Variants in MYOCD observed in about 807,000 individuals in gnomAD.
MYOCD encodes the protein myocardin.
Under a neutral mutation model 96.1 loss-of-function variants are expected in MYOCD, and 32 were observed. The observed-to-expected ratio is 0.33, with a 90% confidence interval of 0.25 to 0.45. The LOEUF is 0.45. Among genes scored for constraint, MYOCD ranks in the 20% least tolerant of loss-of-function variants. The pLI is 1.00. For missense variants in MYOCD, 1,133 were observed against 1,200.6 expected (o/e 0.94, Z 0.83); for synonymous variants, 469 against 469.0 (o/e 1.00, Z 0.00).
chr17:12,685,431 C>G (rs904434560), intron 1 of MYOCD, among the ~76,000 whole-genome samples: 1 of 152,174 alleles, frequency 6.6e-6, no homozygotes, highest in East Asian at 1.9e-4. Flanking sequence ...AGGGTGAAAC[C>G]CCATCTGTAC....
intron 2 of MYOCD, 109 bp from the exon 3 acceptor site, chr17:12,715,410 C>A: frequency 1.3e-6 from 1 of 793,534 alleles, no homozygotes; most frequent in Non-Finnish European, 2.0e-6. Flanking sequence ...CTAATAAAGG[C>A]AATCACCTCC....
chr17:12,716,477 C>T (rs11654373), intron 3 of MYOCD, among the ~76,000 whole-genome samples: 83,825 of 152,040 alleles, frequency 0.55, 23,910 homozygotes, highest in Non-Finnish European at 0.63. Flanking sequence ...CCGACAGCCC[C>T]ATCAAGAAGG....
intron 9 of MYOCD, among the ~76,000 whole-genome samples, chr17:12,748,914 A>C (rs549392388): frequency 6.6e-6 from 1 of 152,212 alleles, no homozygotes; most frequent in South Asian, 2.1e-4. Context: ...CTGATTATAA[A>C]GTAACATATA....
chr17:12,710,944 A>T (rs999733552), intron 2 of MYOCD, among the ~76,000 whole-genome samples: 20 of 152,080 alleles, frequency 1.3e-4, no homozygotes, highest in Admixed American at 1.3e-3. Flanking sequence ...GCACACTTTG[A>T]ATTTGTCTTT....
In MYOCD at chr17:12,752,921, C is replaced by T. The variant is rs775182191; in HGVS notation, c.1633C>T (p.Leu545=). Reference sequence around the variant, plus strand: ...GCAAGAGCAGAGGCAGGTGGAGGAGCTGAGGATGCAGCTTCAGAAGCAGAA... The same window carrying T: ...GCAAGAGCAGAGGCAGGTGGAGGAGTTGAGGATGCAGCTTCAGAAGCAGAA... ...LQQEQRQVEE[L]RMQLQKQKRN... Residue 545 remains leucine, a synonymous_variant, in exon 10 of 14, where the codon CTG becomes TTG. Coordinates refer to ENST00000425538, the MANE Select transcript of MYOCD (RefSeq NM_001146312.3). 3 of 1,614,070 alleles carry T rather than the reference C, an allele frequency of 1.9e-6. No homozygotes were observed. In the Admixed American group the frequency reaches 5.0e-5, roughly 27 times the overall value.
chr17:12,744,515 A>G, intron 8 of MYOCD, 79 bp downstream of exon 8: 2 of 1,504,956 alleles, frequency 1.3e-6, no homozygotes, highest in Admixed American at 2.1e-5. Context: ...TGCCAGCACC[A>G]TGGGGCCTAG....
At chr17:12,756,675 G>T in intron 11 of MYOCD, 118 bp downstream of exon 11, 7 of 347,608 alleles carry the variant, frequency 2.0e-5, no homozygotes, top group East Asian at 1.5e-4. Flanking sequence ...CAGCCCAGGT[G>T]ACAGAGCGAG....
chr17:12,759,182 A>G (rs2033099167), intron 12 of MYOCD, among the ~76,000 whole-genome samples: 1 of 152,204 alleles, frequency 6.6e-6, no homozygotes, highest in African/African-American at 2.4e-5. Flanking sequence ...ATTGCTACAT[A>G]TGGGTATCCC....
chr17:12,677,828 A>G (rs1002802611), intron 1 of MYOCD, among the ~76,000 whole-genome samples: 2 of 151,936 alleles, frequency 1.3e-5, no homozygotes, highest in African/African-American at 2.4e-5. Flanking sequence ...TAAATTCACA[A>G]TGACCAGCCT....
chr17:12,752,293 TA>T, intron 9 of MYOCD, 120 bp from the exon 10 acceptor site: 1 of 815,012 alleles, frequency 1.2e-6, no homozygotes, highest in Non-Finnish European at 1.9e-6. Context: ...GAAAGAAGTA[TA>T]AAAAAGAGGT....
rs374731521 is a variant in MYOCD, at chr17:12,763,576, A to C, written c.2893A>C (p.Ile965Leu). The change falls in exon 14 of 14, where the codon ATC becomes CTC. Residue 965 changes from isoleucine (I) to leucine (L), a missense_variant. Physicochemically the swap from Ile to Leu is conservative, Grantham distance 5. Coordinates refer to ENST00000425538, the MANE Select transcript of MYOCD (RefSeq NM_001146312.3). ...LTTSSPSIFNIDFLDVTDLNL... is the reference protein window; with the variant it reads ...LTTSSPSIFNLDFLDVTDLNL... ...CACCAGCAGCCCCAGCATCTTCAAC[A>C]TCGATTTCCTGGATGTCACTGATCT... 5.6e-6 allele frequency: 9 copies of C among 1,613,944 alleles called. No homozygotes were observed. Among genetic ancestry groups the C allele is most frequent in the African/African-American group, 1.3e-5 (1 of 74,892 alleles).
intron 2 of MYOCD, among the ~76,000 whole-genome samples, chr17:12,708,561 T>A (rs1049878221): frequency 1.3e-5 from 2 of 151,868 alleles, no homozygotes; most frequent in African/African-American, 4.8e-5. Flanking sequence ...CCTGGCTAAT[T>A]TTTTGTATTT....
intron 10 of MYOCD, among the ~76,000 whole-genome samples, chr17:12,753,889 A>G (rs994585633): frequency 3.9e-5 from 6 of 152,300 alleles, no homozygotes; most frequent in Middle Eastern, 3.4e-3. Context: ...TTTACTGAGC[A>G]CCTACTATGT....
At position 12,739,316 on chromosome 17, in the gene MYOCD, T is replaced by C. The variant is rs567731891; in HGVS notation, c.705T>C (p.His235=). 4 of 1,600,598 alleles carry C rather than the reference T, an allele frequency of 2.5e-6. No homozygotes were observed. The highest frequency in any genetic ancestry group is 2.7e-5 in the African/African-American group (2 of 74,510). The change falls in exon 7 of 14, where the codon CAT becomes CAC. Residue 235 remains histidine, a synonymous_variant. Coordinates refer to ENST00000425538, the MANE Select transcript of MYOCD (RefSeq NM_001146312.3). ...CCCCCAGCACCCCCATAGCCGTGCA[T>C]GCTGCTGTAAAGGTACGGACACATC... The part of the protein sequence containing the change: ...LGPPSTPIAV[H]AAVKSKSLGD...
chr17:12,719,174 C>CAAAAAAAAAAAAAAAAAAAAAAAAAAAAA (rs71144920), intron 4 of MYOCD, among the ~76,000 whole-genome samples: 1 of 49,158 alleles, frequency 2.0e-5, no homozygotes, highest in Non-Finnish European at 3.2e-5. Context: ...GACTCTGTCT[C>CAAAAAAAAAAAAAAAAAAAAAAAAAAAAA]AAAAAAAAAA....
rs765847341 is a variant in MYOCD at position 12,763,414 on chromosome 17, C to G, written c.2731C>G (p.Pro911Ala). Residue 911 changes from proline (P) to alanine (A), a missense_variant, in exon 14 of 14, where the codon CCA becomes GCA. Coordinates refer to ENST00000425538, the MANE Select transcript of MYOCD (RefSeq NM_001146312.3). ...TGAGATCTTGCCAGGCCCCCTCTCT[C>G]CAATGCAGACACAGTTTTCACCCTC... The part of the protein sequence containing the change: ...AHEILPGPLS[P>A]MQTQFSPSSV... 8.7e-6 allele frequency: 14 copies of G among 1,610,470 alleles called. No individual in the cohort carries two copies. The highest frequency in any genetic ancestry group is 1.0e-5 in the Non-Finnish European group (12 of 1,177,906).
At chr17:12,710,712 C>A (rs1638896219) in intron 2 of MYOCD, among the ~76,000 whole-genome samples, 1 of 152,268 alleles carries the variant, frequency 6.6e-6, no homozygotes, top group Admixed American at 6.5e-5. Context: ...AGCACCCTAC[C>A]ACACACTGTC....
rs757127807 is a variant in MYOCD at position 12,715,612 on chromosome 17, T to C, written c.177+38T>C. On this transcript the variant is annotated intron_variant, in intron 3 of 13. Transcript: ENST00000425538. ...AATTTCTTGACCCAAGCTTAGACTA[T>C]AGGTTATGAATCTCTGAATGCTAAT... The C allele has an allele frequency of 3.3e-6, 5 of 1,529,958 alleles. No individual in the cohort carries two copies. The East Asian group carries it at 6.7e-5, about 21-fold the overall frequency. 94.8% of individuals were successfully genotyped at this position (1,529,958 alleles called of 1,614,324 possible).
Position 12,722,857 on chromosome 17 carries a change from A to G in MYOCD, c.264A>G (p.Ala88=), listed in dbSNP as rs780955626. The change falls in exon 5 of 14, where the codon GCA becomes GCG. Residue 88 remains alanine, a synonymous_variant. Transcript: ENST00000425538. ...ATTTCAACCCTTTAGCTTCCACTGC[A>G]GAGAGGTCCATTCCAACTGCTCAGA... ...VNMHILQAST[A]ERSIPTAQMK... 1 of 1,613,174 alleles carries G rather than the reference A, an allele frequency of 6.2e-7. No individual in the cohort carries two copies. Among genetic ancestry groups the G allele is most frequent in the Non-Finnish European group, 8.5e-7 (1 of 1,179,536 alleles).
Sources: allele counts gnomAD v4.1 joint callset (sites outside exome capture counted in the v4.1 genomes callset), GRCh38; gene constraint gnomAD v4.1.1; transcripts MANE v1.5; gene names NCBI Gene and HGNC (gene_info 2026-07-23, HGNC 2026-07-21).